Variants in PPFIA2 observed in about 807,000 individuals in gnomAD.
PPFIA2 encodes the protein PPFI scaffold protein A2.
PPFIA2 carries 46 observed loss-of-function variants against 175.5 expected under a neutral mutation model. The observed-to-expected ratio is 0.26, with a 90% confidence interval of 0.21 to 0.34. The LOEUF (loss-of-function observed/expected upper bound fraction) is 0.34, where lower values mean the gene tolerates loss of function less well. Ranked by LOEUF, PPFIA2 falls within the 10% of genes least tolerant of loss-of-function variation. The pLI is 1.00. For synonymous variants in PPFIA2, 568 were observed against 511.4 expected (o/e 1.11, Z -1.49); for missense variants, 1,179 against 1,506.1 (o/e 0.78, Z 3.60).
At chr12:81,599,680 TTACTAG>T (rs2153454296) in intron 4 of PPFIA2, among the ~76,000 whole-genome samples, 1 of 152,136 alleles carries the variant, frequency 6.6e-6, no homozygotes, top group East Asian at 1.9e-4. Flanking sequence ...TACTTGGATT[TTACTAG>T]TATTGACATT....
intron 21 of PPFIA2, among the ~76,000 whole-genome samples, chr12:81,336,067 C>G (rs2057084328): frequency 6.6e-6 from 1 of 152,094 alleles, no homozygotes; most frequent in Non-Finnish European, 1.5e-5. Context: ...AAATCTTGCT[C>G]CTACATTATA....
chr12:81,303,946 C>T (rs1321635106), intron 22 of PPFIA2, among the ~76,000 whole-genome samples: 1 of 152,094 alleles, frequency 6.6e-6, no homozygotes, highest in East Asian at 1.9e-4. Context: ...GATTTTCATT[C>T]TTAGGTTTTA....
chr12:81,359,573 C>T lies in PPFIA2; in HGVS notation c.1638-1356G>A, dbSNP rs79120644. ...AGTCACCTTCCTATGTCCAGGAAGG[C>T]GTTCCTAGCATATAATAAGCACTTC... On this transcript the variant is annotated intron_variant, in intron 15 of 32. Coordinates refer to ENST00000549396, the MANE Select transcript of PPFIA2 (RefSeq NM_003625.5). 5.9e-5 allele frequency among the ~76,000 whole-genome samples: 9 copies of T among 151,878 alleles called. No individual in the cohort carries two copies. In the East Asian group the frequency reaches 9.7e-4, roughly 16 times the overall value.
chr12:81,559,872 C>T (rs2069647806), intron 4 of PPFIA2, among the ~76,000 whole-genome samples: 1 of 151,542 alleles, frequency 6.6e-6, no homozygotes, highest in Admixed American at 6.6e-5. Context: ...TAATTTGACA[C>T]ACATCGTTTC....
intron 3 of PPFIA2, among the ~76,000 whole-genome samples, chr12:81,753,710 C>A (rs762190448): frequency 1.6e-4 from 25 of 152,110 alleles, no homozygotes; most frequent in Non-Finnish European, 3.2e-4. Context: ...TTTCTACCTC[C>A]CTAAAACACA....
chr12:81,422,990 T>C (rs369740877), intron 7 of PPFIA2, among the ~76,000 whole-genome samples: 8 of 152,192 alleles, frequency 5.3e-5, no homozygotes, highest in Middle Eastern at 3.4e-3. Flanking sequence ...GAGACTACTA[T>C]GAACAATTAT....
intron 25 of PPFIA2, 93 bp from the exon 26 acceptor site, chr12:81,283,132 G>T: frequency 2.6e-6 from 3 of 1,161,570 alleles, no homozygotes; most frequent in Non-Finnish European, 3.8e-6. Context: ...AAGCAAAATT[G>T]TTATACAAAA....
rs529958273 is a variant in PPFIA2 at position 81,706,990 on chromosome 12, C to G, written c.250-30146G>C. On this transcript the variant is annotated intron_variant, in intron 3 of 32. Transcript: ENST00000549396. ...CATATGTAGAAAGCTGAAACTGGAT[C>G]CCTTCCTTACACCTTATACAAAAAT... Among the ~76,000 whole-genome samples the G allele has an allele frequency of 2.4e-3, 358 of 152,156 alleles. 2 individuals carry two copies. Among genetic ancestry groups the G allele is most frequent in the Non-Finnish European group, 3.1e-3 (213 of 67,974 alleles).
intron 7 of PPFIA2, among the ~76,000 whole-genome samples, chr12:81,423,312 G>A (rs915168004): frequency 6.6e-6 from 1 of 152,020 alleles, no homozygotes; most frequent in Non-Finnish European, 1.5e-5. Context: ...TAAAATTACA[G>A]GCCAATATTT....
intron 8 of PPFIA2, among the ~76,000 whole-genome samples, chr12:81,391,003 C>T (rs2040013868): frequency 6.6e-6 from 1 of 151,652 alleles, no homozygotes; most frequent in Admixed American, 6.6e-5. Context: ...TTATTAATCA[C>T]CTACTTTGGT....
chr12:81,576,034 G>A (rs762364489), intron 4 of PPFIA2, among the ~76,000 whole-genome samples: 11 of 151,582 alleles, frequency 7.3e-5, no homozygotes, highest in Non-Finnish European at 1.6e-4. Context: ...TACATTAGCA[G>A]GTGAACACTT....
chr12:81,737,082 A>G (rs899017202), intron 3 of PPFIA2, among the ~76,000 whole-genome samples: 1 of 151,968 alleles, frequency 6.6e-6, no homozygotes, highest in Admixed American at 6.6e-5. Context: ...TAATTTTTTA[A>G]ACAAATTTTA....
chr12:81,465,055 T>A (rs1339198462), intron 4 of PPFIA2, among the ~76,000 whole-genome samples: 1 of 152,114 alleles, frequency 6.6e-6, no homozygotes, highest in African/African-American at 2.4e-5. Context: ...AGAAGCTGCA[T>A]GGTAAGAGGA....
chr12:81,589,169 G>C (rs998184579), intron 4 of PPFIA2, among the ~76,000 whole-genome samples: 1 of 151,998 alleles, frequency 6.6e-6, no homozygotes, highest in African/African-American at 2.4e-5. Context: ...TTAACAATGA[G>C]AATAAGGATG....
chr12:81,475,256 A>G (rs2146451801), intron 4 of PPFIA2, among the ~76,000 whole-genome samples: 1 of 152,326 alleles, frequency 6.6e-6, no homozygotes, highest in Non-Finnish European at 1.5e-5. Context: ...TATTTGTTAA[A>G]GGACCATGGT....
chr12:81,429,074 T>C (rs1262859382), intron 7 of PPFIA2, among the ~76,000 whole-genome samples: 1 of 152,022 alleles, frequency 6.6e-6, no homozygotes, highest in Non-Finnish European at 1.5e-5. Context: ...GGTCATGGAA[T>C]TTACTAATAT....
In PPFIA2 at chr12:81,758,419, G is replaced by A. The variant is rs757204251; in HGVS notation, c.-22C>T. On this transcript the variant is annotated 5_prime_UTR_variant, in exon 2 of 33. Coordinates refer to ENST00000549396, the MANE Select transcript of PPFIA2 (RefSeq NM_003625.5). ...CTGTACCTAATGTCTGTGATTTCGGGTCCTTGCTTCTTCAATTGATCAATG... is the reference window on the plus strand; with the variant it reads ...CTGTACCTAATGTCTGTGATTTCGGATCCTTGCTTCTTCAATTGATCAATG... The A allele has an allele frequency of 2.2e-6, 1 of 456,432 alleles. No homozygotes were observed. Among genetic ancestry groups the A allele is most frequent in the Non-Finnish European group, 4.4e-6 (1 of 226,806 alleles). The allele number at this position is 456,432 out of a possible 1,614,324, so 28.3% of individuals were successfully genotyped here. A position where few individuals can be genotyped will look rare whatever the true frequency, so the allele number is the denominator to read the frequency against.
At chr12:81,302,096 C>T (rs2047988702) in intron 22 of PPFIA2, 1 of 310,406 alleles carries the variant, frequency 3.2e-6, no homozygotes, top group Non-Finnish European at 6.4e-6. Context: ...AAATGCCAAT[C>T]AGTGTTTATA....
intron 4 of PPFIA2, among the ~76,000 whole-genome samples, chr12:81,596,278 T>A (rs2059238462): frequency 6.6e-6 from 1 of 150,692 alleles, no homozygotes. Flanking sequence ...GCTTTAAAAA[T>A]CTTCTTTCTC....
Sources: gnomAD v4.1 joint callset for allele counts (sites outside exome capture counted in the v4.1 genomes callset) on GRCh38, gnomAD v4.1.1 for gene constraint, MANE v1.5 for transcripts, NCBI Gene and HGNC (gene_info 2026-07-23, HGNC 2026-07-21) for gene names.